The following HTR1F variants were observed in gnomAD, a reference collection of about 807,000 sequenced individuals.
The protein encoded by HTR1F is 5-hydroxytryptamine receptor 1F, also known as 5-hydroxytryptamine (serotonin) receptor 1F, G protein-coupled.
In HTR1F, 17 loss-of-function variants were observed where a neutral mutation model predicts 24.0. The ratio of observed to expected loss-of-function variants is 0.71; its 90% CI spans 0.48 to 1.06. The LOEUF (loss-of-function observed/expected upper bound fraction) is 1.06. HTR1F is among the 50% of genes least tolerant of loss of function. The probability of loss-of-function intolerance (pLI) is 0.00; values close to 1 mark genes in which losing one functional copy is unlikely to be tolerated. For synonymous variants in HTR1F, 186 were observed against 156.8 expected (o/e 1.19, Z -1.39); for missense variants, 391 against 427.8 (o/e 0.91, Z 0.76).
chr3:87,991,050 A>T lies in HTR1F; in HGVS notation c.301A>T (p.Ser101Cys). Residue 101 changes from serine to cysteine, a missense_variant, in exon 3 of 3, where the codon AGT (serine) becomes TGT (cysteine). Coordinates refer to ENST00000319595, the MANE Select transcript of HTR1F (RefSeq NM_001322209.2). ...MGQVVCDIWL[S>C]VDITCCTCSI... ...GCAAGTGGTCTGTGACATTTGGCTG[A>T]GTGTTGACATTACCTGCTGCACGTG... 1 of 1,614,024 alleles carries T rather than the reference A, an allele frequency of 6.2e-7. No homozygotes were observed. The highest frequency in any genetic ancestry group is 1.1e-5 in the South Asian group (1 of 91,088).
intron 1 of HTR1F, among the ~76,000 whole-genome samples, chr3:87,819,188 G>A (rs773585716): frequency 1.3e-5 from 2 of 152,026 alleles, no homozygotes; most frequent in Non-Finnish European, 2.9e-5. Flanking sequence ...CAGTAATTTG[G>A]GGGGATGCAT....
intron 2 of HTR1F, among the ~76,000 whole-genome samples, chr3:87,857,705 C>T (rs1354517784): frequency 6.6e-6 from 1 of 152,074 alleles, no homozygotes; most frequent in Admixed American, 6.6e-5. Flanking sequence ...CGAAGTAGTA[C>T]ATTTGTTACA....
In HTR1F at chr3:87,865,363, T is replaced by C. The variant is rs760179770; in HGVS notation, c.-43+43239T>C. Among the ~76,000 whole-genome samples the C allele has an allele frequency of 2.0e-5, 3 of 152,176 alleles. No individual in the cohort carries two copies. In the East Asian group the frequency reaches 5.8e-4, roughly 29 times the overall value. ...AATGCACAGATAACAAGTGTACCACTTGATGAATTTTTCTCAAGATAAACA... is the reference window on the plus strand; with the variant it reads ...AATGCACAGATAACAAGTGTACCACCTGATGAATTTTTCTCAAGATAAACA... On this transcript the variant is annotated intron_variant, in intron 2 of 2. Coordinates refer to ENST00000319595, the MANE Select transcript of HTR1F (RefSeq NM_001322209.2).
chr3:87,921,611 A>G (rs1433010924), intron 2 of HTR1F, among the ~76,000 whole-genome samples: 1 of 151,882 alleles, frequency 6.6e-6, no homozygotes, highest in Non-Finnish European at 1.5e-5. Context: ...TAGCTATTTA[A>G]AACTATATAA....
chr3:87,876,878 T>G (rs2107270169), intron 2 of HTR1F, among the ~76,000 whole-genome samples: 1 of 152,276 alleles, frequency 6.6e-6, no homozygotes, highest in Middle Eastern at 3.4e-3. Context: ...CCATATAAAG[T>G]TCATATATAT....
intron 1 of HTR1F, among the ~76,000 whole-genome samples, 144 bp downstream of exon 1, chr3:87,792,986 A>T (rs951100698): frequency 6.6e-6 from 1 of 152,254 alleles, no homozygotes; most frequent in Non-Finnish European, 1.5e-5. Context: ...GCCGGCGCCA[A>T]GTCCTTTCCC....
chr3:87,886,574 C>G (rs907601651), intron 2 of HTR1F, among the ~76,000 whole-genome samples: 1 of 152,114 alleles, frequency 6.6e-6, no homozygotes, highest in African/African-American at 2.4e-5. Context: ...GATGACATGA[C>G]TGTATATTTA....
At chr3:87,906,506 T>C (rs1321582691) in intron 2 of HTR1F, among the ~76,000 whole-genome samples, 2 of 152,080 alleles carry the variant, frequency 1.3e-5, no homozygotes, top group African/African-American at 2.4e-5. Flanking sequence ...CAAACTAAAC[T>C]GTAGTTAATG....
At chr3:87,904,040 G>A (rs1379268414) in intron 2 of HTR1F, among the ~76,000 whole-genome samples, 1 of 152,046 alleles carries the variant, frequency 6.6e-6, no homozygotes, top group African/African-American at 2.4e-5. Flanking sequence ...AGAATATCCA[G>A]TTAAACACAA....
At chr3:87,843,681 C>CA (rs1273710957) in intron 2 of HTR1F, among the ~76,000 whole-genome samples, 1 of 99,476 alleles carries the variant, frequency 1.0e-5, no homozygotes, top group Non-Finnish European at 1.8e-5. Flanking sequence ...CCTCCCCCTC[C>CA]CCCACCCCAC....
chr3:87,963,499 G>A (rs148391716), intron 2 of HTR1F, among the ~76,000 whole-genome samples: 1 of 152,162 alleles, frequency 6.6e-6, no homozygotes, highest in Non-Finnish European at 1.5e-5. Flanking sequence ...AGCCCCACAA[G>A]GAATAAAACA....
chr3:87,805,629 G>A (rs1234044876), intron 1 of HTR1F, among the ~76,000 whole-genome samples: 1 of 151,906 alleles, frequency 6.6e-6, no homozygotes, highest in East Asian at 1.9e-4. Flanking sequence ...ATTTCCATGT[G>A]TTGGGAACAT....
chr3:87,922,547 G>C (rs536731638), intron 2 of HTR1F, among the ~76,000 whole-genome samples: 2 of 151,720 alleles, frequency 1.3e-5, no homozygotes, highest in Admixed American at 6.6e-5. Context: ...TTTTGCTTTT[G>C]TTACCTGTAC....
chr3:87,800,986 C>A (rs542366817), intron 1 of HTR1F, among the ~76,000 whole-genome samples: 1 of 152,190 alleles, frequency 6.6e-6, no homozygotes, highest in Admixed American at 6.5e-5. Context: ...CACTCAATAA[C>A]CCACTTTAGT....
At chr3:87,897,751 T>C (rs1706233727) in intron 2 of HTR1F, among the ~76,000 whole-genome samples, 1 of 152,096 alleles carries the variant, frequency 6.6e-6, no homozygotes, top group Non-Finnish European at 1.5e-5. Flanking sequence ...CCACTTTTCA[T>C]GTTCTTTCAC....
At chr3:87,921,608 T>C (rs1041467558) in intron 2 of HTR1F, among the ~76,000 whole-genome samples, 3 of 151,896 alleles carry the variant, frequency 2.0e-5, no homozygotes, top group African/African-American at 7.2e-5. Context: ...CTTTAGCTAT[T>C]TAAAACTATA....
At chr3:87,940,643 G>A (rs1237802184) in intron 2 of HTR1F, among the ~76,000 whole-genome samples, 1 of 152,016 alleles carries the variant, frequency 6.6e-6, no homozygotes, top group Non-Finnish European at 1.5e-5. Flanking sequence ...ATTTCTTATG[G>A]AACCAAAAAA....
chr3:87,810,177 C>T (rs1704137457), intron 1 of HTR1F, among the ~76,000 whole-genome samples: 1 of 151,890 alleles, frequency 6.6e-6, no homozygotes, highest in Non-Finnish European at 1.5e-5. Flanking sequence ...AACTTATAGC[C>T]AAATGGAGTT....
chr3:87,914,522 C>T (rs1026964784), intron 2 of HTR1F, among the ~76,000 whole-genome samples: 7 of 152,046 alleles, frequency 4.6e-5, no homozygotes, highest in African/African-American at 1.4e-4. Flanking sequence ...GCAGGTCAGA[C>T]CAGCCTTTCT....
Sources: allele counts gnomAD v4.1 joint callset (sites outside exome capture counted in the v4.1 genomes callset), GRCh38; gene constraint gnomAD v4.1.1; transcripts MANE v1.5; gene names NCBI Gene and HGNC (gene_info 2026-07-23, HGNC 2026-07-21).